The following NRXN3 variants were observed in gnomAD, a reference collection of about 807,000 sequenced individuals.
NRXN3 encodes neurexin 3.
A neutral mutation model predicts 137.6 loss-of-function variants in NRXN3; 32 were observed. That is an observed-to-expected ratio of 0.23 (90% CI 0.18 to 0.31). The LOEUF is 0.31. Ranked by LOEUF, NRXN3 falls within the 10% of genes least tolerant of loss-of-function variation. NRXN3 has a pLI of 1.00. For synonymous variants in NRXN3, 798 were observed against 784.5 expected, an observed-to-expected ratio of 1.02 and a Z score of -0.29; for missense variants, 1,574 against 2,062.5, an observed-to-expected ratio of 0.76 and a Z score of 4.59.
intron 10 of NRXN3, among the ~76,000 whole-genome samples, chr14:78,923,182 A>C (rs1195875634): frequency 6.6e-6 from 1 of 152,142 alleles, no homozygotes; most frequent in Non-Finnish European, 1.5e-5. Flanking sequence ...GGTTGAGCAC[A>C]CCCTATTGCT....
At chr14:78,672,617 G>A (rs910702389) in intron 6 of NRXN3, among the ~76,000 whole-genome samples, 1 of 152,144 alleles carries the variant, frequency 6.6e-6, no homozygotes, top group Non-Finnish European at 1.5e-5. Context: ...AAGACTAAAT[G>A]CTAGATGCAC....
intron 4 of NRXN3, among the ~76,000 whole-genome samples, chr14:78,464,879 G>C (rs1288246832): frequency 6.6e-6 from 1 of 151,962 alleles, no homozygotes; most frequent in Non-Finnish European, 1.5e-5. Context: ...TTCCTCCTCC[G>C]AATTCTCAGT....
chr14:79,376,255 T>TAC (rs2039618584), intron 15 of NRXN3, among the ~76,000 whole-genome samples: 1 of 48,374 alleles, frequency 2.1e-5, no homozygotes, highest in Non-Finnish European at 4.7e-5. Context: ...TATATATATA[T>TAC]ATATATATAT....
chr14:78,225,507 G>T (rs1468617608), intron 1 of NRXN3, among the ~76,000 whole-genome samples: 4 of 152,098 alleles, frequency 2.6e-5, no homozygotes, highest in African/African-American at 4.8e-5. Flanking sequence ...TTAGCCCTTT[G>T]TCAGATGAGT....
At chr14:78,315,496 G>C (rs1220793974) in intron 4 of NRXN3, among the ~76,000 whole-genome samples, 1 of 152,210 alleles carries the variant, frequency 6.6e-6, no homozygotes, top group Non-Finnish European at 1.5e-5. Context: ...GGAATAAAAT[G>C]AACCGAAAGG....
chr14:79,731,951 A>G (rs2098925253), intron 19 of NRXN3, among the ~76,000 whole-genome samples: 1 of 151,654 alleles, frequency 6.6e-6, no homozygotes, highest in Non-Finnish European at 1.5e-5. Flanking sequence ...TTTTTTCCCC[A>G]ATATTTTGGC....
intron 15 of NRXN3, among the ~76,000 whole-genome samples, chr14:79,071,470 C>G (rs2099687685): frequency 6.6e-6 from 1 of 152,152 alleles, no homozygotes; most frequent in Non-Finnish European, 1.5e-5. Flanking sequence ...TTTTTAAATA[C>G]ATAAATAAAT....
chr14:79,241,534 C>T (rs376523809), intron 15 of NRXN3, among the ~76,000 whole-genome samples: 8 of 152,190 alleles, frequency 5.3e-5, no homozygotes, highest in East Asian at 1.9e-4. Context: ...TTCACTACCA[C>T]GAGAACAGTA....
At chr14:79,691,581 G>T (rs1603431575) in intron 17 of NRXN3, among the ~76,000 whole-genome samples, 1 of 152,150 alleles carries the variant, frequency 6.6e-6, no homozygotes, top group East Asian at 1.9e-4. Context: ...CTTTGACAAA[G>T]ATAATGAGAT....
At chr14:79,573,362 C>T (rs78087801) in intron 16 of NRXN3, among the ~76,000 whole-genome samples, 5 of 151,972 alleles carry the variant, frequency 3.3e-5, no homozygotes, top group African/African-American at 9.7e-5. Flanking sequence ...GGTGGGGGGA[C>T]GGGAGAGTAC....
chr14:78,487,768 TAA>T (rs2095589121), intron 4 of NRXN3, among the ~76,000 whole-genome samples: 1 of 150,582 alleles, frequency 6.6e-6, no homozygotes, highest in Non-Finnish European at 1.5e-5. Context: ...AATAAATAAA[TAA>T]ATAAATAAAT....
chr14:79,476,883 C>T (rs1367983430), intron 16 of NRXN3, among the ~76,000 whole-genome samples: 4 of 152,030 alleles, frequency 2.6e-5, no homozygotes, highest in Non-Finnish European at 5.9e-5. Context: ...GCAATTCTGA[C>T]CCTTAATTAC....
chr14:78,404,199 A>C (rs1314549234), intron 4 of NRXN3, among the ~76,000 whole-genome samples: 1 of 92,692 alleles, frequency 1.1e-5, no homozygotes, highest in South Asian at 4.6e-4. Flanking sequence ...GATGTTCCCT[A>C]TTTTCCTTTT....
intron 15 of NRXN3, among the ~76,000 whole-genome samples, chr14:79,356,674 C>G (rs1352052197): frequency 6.6e-6 from 1 of 152,122 alleles, no homozygotes; most frequent in Admixed American, 6.5e-5. Context: ...ACCTTCACCT[C>G]CCGCCCCACT....
intron 16 of NRXN3, among the ~76,000 whole-genome samples, chr14:79,543,686 A>G (rs1367753203): frequency 2.0e-5 from 3 of 152,162 alleles, no homozygotes; most frequent in Admixed American, 6.5e-5. Flanking sequence ...AGAAGCTGCA[A>G]CCTCAAATTT....
chr14:79,039,570 T>G (rs950479953), intron 15 of NRXN3, among the ~76,000 whole-genome samples: 3 of 152,150 alleles, frequency 2.0e-5, no homozygotes, highest in African/African-American at 4.8e-5. Flanking sequence ...GTTTGAGAGA[T>G]AAAAAGTTGT....
At chr14:79,534,954 A>G (rs1386791623) in intron 16 of NRXN3, among the ~76,000 whole-genome samples, 1 of 152,218 alleles carries the variant, frequency 6.6e-6, no homozygotes, top group African/African-American at 2.4e-5. Flanking sequence ...CTCTTTCTAA[A>G]CATTGGTAGT....
intron 16 of NRXN3, among the ~76,000 whole-genome samples, chr14:79,617,730 G>A (rs1229251598): frequency 1.3e-5 from 2 of 152,020 alleles, no homozygotes; most frequent in African/African-American, 4.8e-5. Context: ...AGACAATTAG[G>A]TAAAGGTGAA....
intron 16 of NRXN3, among the ~76,000 whole-genome samples, chr14:79,654,160 G>C (rs1224064395): frequency 6.6e-6 from 1 of 152,076 alleles, no homozygotes; most frequent in Admixed American, 6.6e-5. Context: ...GTTGGTCCGA[G>C]GCTACCTAGA....
Sources: allele counts gnomAD v4.1 joint callset (sites outside exome capture counted in the v4.1 genomes callset), GRCh38; gene constraint gnomAD v4.1.1; transcripts MANE v1.5; gene names NCBI Gene and HGNC (gene_info 2026-07-23, HGNC 2026-07-21).